The following PDS5A variants were observed in gnomAD, a reference collection of about 807,000 sequenced individuals.
The protein encoded by PDS5A is sister chromatid cohesion protein PDS5 homolog A.
In PDS5A, 42 loss-of-function variants were observed where a neutral mutation model predicts 167.1. The observed-to-expected ratio is 0.25, with a 90% CI of 0.20 to 0.33. The LOEUF (loss-of-function observed/expected upper bound fraction) is 0.33, where lower values mean the gene tolerates loss of function less well. Among genes scored for constraint, PDS5A ranks in the 10% least tolerant of loss-of-function variants. PDS5A has a pLI of 1.00. For synonymous variants in PDS5A, 553 were observed against 554.6 expected (o/e 1.00, Z 0.04); for missense variants, 1,033 against 1,605.9 (o/e 0.64, Z 6.10).
chr4:39,889,268 G>C (rs1387064308), intron 17 of PDS5A, among the ~76,000 whole-genome samples: 1 of 152,224 alleles, frequency 6.6e-6, no homozygotes, highest in Non-Finnish European at 1.5e-5. Flanking sequence ...ATGAAGATGA[G>C]AGGCTTCAGG....
chr4:39,901,590 A>G (rs1722893280), intron 13 of PDS5A, among the ~76,000 whole-genome samples: 1 of 152,030 alleles, frequency 6.6e-6, no homozygotes, highest in Non-Finnish European at 1.5e-5. Flanking sequence ...GTCTTAATCT[A>G]ATAATGCAGG....
chr4:39,833,149 T>C (rs1307989219), intron 32 of PDS5A, among the ~76,000 whole-genome samples: 7 of 128,862 alleles, frequency 5.4e-5, no homozygotes, highest in Admixed American at 9.1e-5. Context: ...TGAGATCGTG[T>C]CGTTGCACTC....
chr4:39,848,684 T>G (rs1717856944), intron 28 of PDS5A, 167 bp downstream of exon 28: 1 of 605,950 alleles, frequency 1.7e-6, no homozygotes, highest in Non-Finnish European at 2.9e-6. Flanking sequence ...TCTGTTCAAG[T>G]CAGAATAATG....
chr4:39,905,984 T>C (rs1049260697), intron 11 of PDS5A, among the ~76,000 whole-genome samples: 1 of 147,124 alleles, frequency 6.8e-6, no homozygotes, highest in African/African-American at 2.5e-5. Context: ...GAGGTGCTTT[T>C]GGAAATTAAA....
At chr4:39,826,386 C>T (rs1578553646) in intron 32 of PDS5A, among the ~76,000 whole-genome samples, 1 of 151,960 alleles carries the variant, frequency 6.6e-6, no homozygotes. Context: ...TGTTCTTTTG[C>T]CCTGAGAAGT....
In PDS5A at chr4:39,976,581, G is replaced by A. The variant is rs752323291; in HGVS notation, c.-4C>T. 1 of 1,608,156 alleles carries A rather than the reference G, an allele frequency of 6.2e-7. No homozygotes were observed. Among genetic ancestry groups the A allele is most frequent in the Non-Finnish European group, 8.5e-7 (1 of 1,175,712 alleles). Reference sequence around the variant, plus strand: ...TGGGCTGCGCGGTGAAGTCCATCCTGGGGGACAACTTTTGGTTCACAGTCC... The same window carrying A: ...TGGGCTGCGCGGTGAAGTCCATCCTAGGGGACAACTTTTGGTTCACAGTCC... On this transcript the variant is annotated 5_prime_UTR_variant, in exon 2 of 33. Transcript: ENST00000303538.
chr4:39,897,950 AGAG>A, intron 16 of PDS5A: 1 of 726,664 alleles, frequency 1.4e-6, no homozygotes, highest in Non-Finnish European at 1.7e-6. Flanking sequence ...AATGAGTTCA[AGAG>A]AAGAATGAAG....
chr4:39,886,192 C>T (rs1721460102), intron 17 of PDS5A, among the ~76,000 whole-genome samples: 1 of 152,076 alleles, frequency 6.6e-6, no homozygotes, highest in Admixed American at 6.6e-5. Context: ...AGTTTTTATG[C>T]CAGTATCATG....
intron 17 of PDS5A, among the ~76,000 whole-genome samples, chr4:39,881,008 A>T: frequency 6.7e-6 from 1 of 149,398 alleles, no homozygotes; most frequent in African/African-American, 2.5e-5. Context: ...CTTCTGAGAG[A>T]TCTACTTTTT....
At chr4:39,919,060 C>T (rs943080760) in intron 7 of PDS5A, among the ~76,000 whole-genome samples, 1 of 152,144 alleles carries the variant, frequency 6.6e-6, no homozygotes, top group Non-Finnish European at 1.5e-5. Flanking sequence ...TGAAGACAGA[C>T]ACTTCTTTAC....
At chr4:39,895,363 C>G (rs180775661) in intron 16 of PDS5A, among the ~76,000 whole-genome samples, 133 of 152,256 alleles carry the variant, frequency 8.7e-4, no homozygotes, top group African/African-American at 3.1e-3. Flanking sequence ...AACTGTAACA[C>G]AGTGGTATTT....
intron 2 of PDS5A, among the ~76,000 whole-genome samples, chr4:39,954,817 G>A (rs1235883242): frequency 6.6e-6 from 1 of 152,022 alleles, no homozygotes; most frequent in Non-Finnish European, 1.5e-5. Flanking sequence ...GGCTGAGGCA[G>A]GAGGATCACG....
At chr4:39,900,359 G>A (rs897252553) in intron 14 of PDS5A, 67 bp downstream of exon 14, 34 of 953,048 alleles carry the variant, frequency 3.6e-5, no homozygotes, top group African/African-American at 1.8e-4. Flanking sequence ...GCTTCATTAC[G>A]TAGAACTACA....
chr4:39,976,050 A>T, intron 2 of PDS5A: 1 of 154,850 alleles, frequency 6.5e-6, no homozygotes, highest in Non-Finnish European at 1.4e-5. Flanking sequence ...AATTATGCAA[A>T]TTTTTAAAAA....
chr4:39,841,865 G>C, intron 31 of PDS5A, 83 bp downstream of exon 31: 3 of 732,312 alleles, frequency 4.1e-6, no homozygotes, highest in Non-Finnish European at 7.3e-6. Flanking sequence ...GCATTGAAGT[G>C]TTGGCTGTAG....
At chr4:39,865,969 T>C (rs1466064907) in intron 23 of PDS5A, among the ~76,000 whole-genome samples, 1 of 152,228 alleles carries the variant, frequency 6.6e-6, no homozygotes, top group Non-Finnish European at 1.5e-5. Flanking sequence ...CATCTTAAAA[T>C]GAGATGGCAA....
At chr4:39,886,018 C>T (rs1034588480) in intron 17 of PDS5A, among the ~76,000 whole-genome samples, 4 of 152,254 alleles carry the variant, frequency 2.6e-5, no homozygotes, top group South Asian at 2.1e-4. Context: ...TGAGAGATAG[C>T]GGTCTAGTTT....
chr4:39,825,346 C>A lies in PDS5A; in HGVS notation c.*139G>T, dbSNP rs990454211. ...TCATGTGAAAAGGAAGTAATAGTCT[C>A]TTTAGTTTTCAAGGCAGAGAGTGTG... On this transcript the variant is annotated 3_prime_UTR_variant, in exon 33 of 33. Coordinates refer to ENST00000303538, the MANE Select transcript of PDS5A (RefSeq NM_001100399.2). 5 of 593,574 alleles carry A rather than the reference C, an allele frequency of 8.4e-6. No homozygotes were observed. Among genetic ancestry groups the A allele is most frequent in the African/African-American group, 1.9e-5 (1 of 52,302 alleles). 36.8% of individuals were successfully genotyped at this position (593,574 alleles called of 1,614,324 possible).
At chr4:39,933,845 G>A (rs1726320600) in intron 2 of PDS5A, among the ~76,000 whole-genome samples, 1 of 152,204 alleles carries the variant, frequency 6.6e-6, no homozygotes, top group Non-Finnish European at 1.5e-5. Flanking sequence ...TTGCAATGGA[G>A]TTGAAGTCAT....
Sources: gnomAD v4.1 joint callset for allele counts (sites outside exome capture counted in the v4.1 genomes callset) on GRCh38, gnomAD v4.1.1 for gene constraint, MANE v1.5 for transcripts, NCBI Gene and HGNC (gene_info 2026-07-23, HGNC 2026-07-21) for gene names.